TMEM94: variants seen among roughly 807,000 people sequenced by gnomAD.
TMEM94 encodes the protein ER Mg2+ ATPase.
In TMEM94, 81 loss-of-function variants were observed where a neutral mutation model predicts 158.6. The ratio of observed to expected loss-of-function variants is 0.51; its 90% CI spans 0.43 to 0.61. The LOEUF is 0.61. TMEM94 is among the 20% of genes least tolerant of loss of function. The probability of loss-of-function intolerance (pLI) is 0.00; values close to 1 mark genes in which losing one functional copy is unlikely to be tolerated. For synonymous variants in TMEM94, 751 were observed against 730.7 expected, an observed-to-expected ratio of 1.03 and a Z score of -0.45; for missense variants, 1,435 against 1,762.0, an observed-to-expected ratio of 0.81 and a Z score of 3.32.
intron 2 of TMEM94, among the ~76,000 whole-genome samples, chr17:75,482,490 G>C (rs1237727539): frequency 6.6e-6 from 1 of 151,768 alleles, no homozygotes; most frequent in Admixed American, 6.6e-5. Context: ...CTGGGCAGCA[G>C]AGCAAGACCC....
In TMEM94 at chr17:75,494,822, T is replaced by G; in HGVS notation, c.2589+14T>G. On this transcript the variant is annotated intron_variant, in intron 19 of 31. Coordinates refer to ENST00000314256, the MANE Select transcript of TMEM94 (RefSeq NM_014738.6). ...CTCAAAAGCAAGGTGGGGAGAGCCA[T>G]CCCTTCTGCCACCACTAACTCTGTT... 1 of 1,613,232 alleles carries G rather than the reference T, an allele frequency of 6.2e-7. No individual in the cohort carries two copies. The highest frequency in any genetic ancestry group is 8.5e-7 in the Non-Finnish European group (1 of 1,179,676).
intron 2 of TMEM94, among the ~76,000 whole-genome samples, chr17:75,482,352 GAA>G (rs146840188): frequency 7.7e-6 from 1 of 130,280 alleles, no homozygotes. Flanking sequence ...TCTCAAAAAA[GAA>G]AAAAAAAAAA....
rs746131112 is a variant in TMEM94, at chr17:75,493,724, C to T, written c.2215C>T (p.Arg739Ter). The change falls in exon 18 of 32, where the codon CGA becomes TGA. Residue 739 changes from arginine to a stop codon, truncating the protein, a stop_gained. Coordinates refer to ENST00000314256, the MANE Select transcript of TMEM94 (RefSeq NM_014738.6). LOFTEE classifies it high-confidence loss of function. ...AAAGAAAGTGCTGGACTTCTACCAG[C>T]GAGCCTGCCTGTCTGGGTATTGCTC... ...DRKKVLDFYQ[R>*]ACLSGYCSAF... is the part of the protein sequence containing the mutation. 4 of 1,614,024 alleles carry T rather than the reference C, an allele frequency of 2.5e-6. No homozygotes were observed. The highest frequency in any genetic ancestry group is 3.4e-6 in the Non-Finnish European group (4 of 1,180,040).
intron 1 of TMEM94, among the ~76,000 whole-genome samples, chr17:75,462,001 G>GTTTTT (rs1230233393): frequency 0.017 from 1,471 of 85,574 alleles, 183 homozygotes; most frequent in Non-Finnish European, 0.023. Context: ...TTTTTGTTTT[G>GTTTTT]TTTTGTTTTG....
intron 1 of TMEM94, among the ~76,000 whole-genome samples, chr17:75,462,136 A>G (rs1050992408): frequency 3.3e-5 from 5 of 149,540 alleles, no homozygotes; most frequent in African/African-American, 9.9e-5. Context: ...TCAGTCTCCC[A>G]AGTAGCTGGG....
chr17:75,482,046 C>CA (rs1266272615), intron 2 of TMEM94, among the ~76,000 whole-genome samples: 10 of 151,502 alleles, frequency 6.6e-5, no homozygotes, highest in African/African-American at 2.4e-4. Flanking sequence ...CCCATCTCTA[C>CA]AAAAAAATGC....
chr17:75,499,943 A>G lies in TMEM94; in HGVS notation c.*609A>G, dbSNP rs184734149. 3 of 154,764 alleles carry G rather than the reference A, an allele frequency of 1.9e-5. No individual in the cohort carries two copies. Among genetic ancestry groups the G allele is most frequent in the East Asian group, 3.8e-4 (2 of 5,204 alleles). The allele number at this position is 154,764 out of a possible 1,614,324, so 9.6% of individuals were successfully genotyped here. A position where few individuals can be genotyped will look rare whatever the true frequency, so the allele number is the denominator to read the frequency against. On this transcript the variant is annotated 3_prime_UTR_variant, in exon 32 of 32. Coordinates refer to ENST00000314256, the MANE Select transcript of TMEM94 (RefSeq NM_014738.6). ...GCCTGGCTCAAGCTGGCTGCCTGTC[A>G]GTCTTGGGGAATCTGGCCCAGGTCT...
At chr17:75,472,483 T>G (rs924640564) in intron 2 of TMEM94, among the ~76,000 whole-genome samples, 26 of 152,234 alleles carry the variant, frequency 1.7e-4, no homozygotes, top group Non-Finnish European at 2.8e-4. Flanking sequence ...CTCCTCTCCC[T>G]TGACAAAGAC....
Position 75,498,205 on chromosome 17 carries a change from C to T in TMEM94, c.3520C>T (p.Leu1174Phe). The change falls in exon 28 of 32, where the codon CTC becomes TTC. Residue 1174 changes from leucine (L) to phenylalanine (F), a missense_variant. This residue lies in a region of TMEM94 where 335 missense variants were observed against 409.1 expected (regional missense o/e 0.82). Coordinates refer to ENST00000314256, the MANE Select transcript of TMEM94 (RefSeq NM_014738.6). This position sits in a 1 kb window ranked among gnomAD's most constrained non-coding sequence, Gnocchi z 6.7. ...TQHYFLLCFL[L>F]KFSLTISSCL... ...GCACTACTTCCTGCTCTGCTTCCTG[C>T]TCAAGTTCAGCCTCACCATCAGCTC... 6.2e-7 allele frequency: 1 copy of T among 1,613,996 alleles called. No homozygotes were observed.
intron 18 of TMEM94, 146 bp from the exon 19 acceptor site, chr17:75,494,481 T>G: frequency 1.4e-6 from 1 of 708,856 alleles, no homozygotes; most frequent in South Asian, 1.9e-5. Context: ...TTCTCCTGTG[T>G]CTGTCGGCTC....
intron 2 of TMEM94, among the ~76,000 whole-genome samples, chr17:75,481,454 A>G (rs1415895778): frequency 6.6e-6 from 1 of 152,210 alleles, no homozygotes; most frequent in African/African-American, 2.4e-5. Flanking sequence ...CCCTCAGGCC[A>G]GCACTGGGGG....
chr17:75,461,891 A>G (rs1027939281), intron 1 of TMEM94, among the ~76,000 whole-genome samples: 1 of 147,324 alleles, frequency 6.8e-6, no homozygotes, highest in Non-Finnish European at 1.5e-5. Context: ...TCCAGCATGG[A>G]CGACAGAGCA....
intron 2 of TMEM94, among the ~76,000 whole-genome samples, chr17:75,482,522 ATATATG>A (rs1567932804): frequency 8.8e-6 from 1 of 113,244 alleles, no homozygotes; most frequent in Non-Finnish European, 1.8e-5. Flanking sequence ...AAAAATATAT[ATATATG>A]TATGTATGTA....
chr17:75,496,621 C>A, intron 24 of TMEM94, 109 bp from the exon 25 acceptor site: 1 of 1,399,914 alleles, frequency 7.1e-7, no homozygotes, highest in Non-Finnish European at 1.0e-6. Flanking sequence ...CCTCTGCTCC[C>A]CTCGTAGAAG....
rs756032742 is a variant in TMEM94, at chr17:75,493,696, C to T, written c.2190-3C>T. On this transcript the variant is annotated splice_polypyrimidine_tract_variant and splice_region_variant and intron_variant, in intron 17 of 31. Coordinates refer to ENST00000314256, the MANE Select transcript of TMEM94 (RefSeq NM_014738.6). ...ACCTCACCTCCGCCTGCTTCCCTGG[C>T]AGAAAGAAAGTGCTGGACTTCTACC... is the stretch of plus-strand genomic sequence containing the variant. 3 of 1,613,848 alleles carry T rather than the reference C, an allele frequency of 1.9e-6. No homozygotes were observed. The highest frequency in any genetic ancestry group is 1.7e-6 in the Non-Finnish European group (2 of 1,180,028).
Position 75,485,817 on chromosome 17 carries a change from C to T in TMEM94, c.145-54C>T, listed in dbSNP as rs1022553399. The T allele has an allele frequency of 1.3e-6, 2 of 1,549,056 alleles. No individual in the cohort carries two copies. The highest frequency in any genetic ancestry group is 2.7e-5 in the African/African-American group (2 of 73,550). On this transcript the variant is annotated intron_variant, in intron 3 of 31. Coordinates refer to ENST00000314256, the MANE Select transcript of TMEM94 (RefSeq NM_014738.6). This position sits in a 1 kb window ranked among gnomAD's most constrained non-coding sequence, Gnocchi z 5.5. ...TGGGAAGGGTGCCGGGGGAGGCAGC[C>T]AGATTGGAGTGGGACAGGCCTCTCA...
Position 75,485,423 on chromosome 17 carries a change from T to G in TMEM94, c.25-5T>G. 6.2e-7 allele frequency: 1 copy of G among 1,608,972 alleles called. No homozygotes were observed. The highest frequency in any genetic ancestry group is 2.2e-5 in the East Asian group (1 of 44,690). ...TGACGCCCAGCGCCTCCTGCTTGCC[T>G]GCAGGGCGAGCCTCCCTCAGCCCTG... On this transcript the variant is annotated splice_region_variant and splice_polypyrimidine_tract_variant and intron_variant, in intron 2 of 31. Transcript: ENST00000314256. This position sits in a 1 kb window ranked among gnomAD's most constrained non-coding sequence, Gnocchi z 5.5.
At chr17:75,458,424 A>G (rs1171259224) in intron 1 of TMEM94, among the ~76,000 whole-genome samples, 1 of 152,220 alleles carries the variant, frequency 6.6e-6, no homozygotes, top group Non-Finnish European at 1.5e-5. Flanking sequence ...GTAAGGTTCA[A>G]AAGAGTCAAA....
At chr17:75,464,521 C>G (rs539348130) in intron 1 of TMEM94, among the ~76,000 whole-genome samples, 1 of 152,080 alleles carries the variant, frequency 6.6e-6, no homozygotes, top group East Asian at 1.9e-4. Flanking sequence ...ACTCAGAAAC[C>G]CAGACTCTTC....
Sources: allele counts gnomAD v4.1 joint callset (sites outside exome capture counted in the v4.1 genomes callset), GRCh38; gene constraint gnomAD v4.1.1; regional missense constraint gnomAD v4.1.1; non-coding constraint Gnocchi (gnomAD v3.1); transcripts MANE v1.5; gene names NCBI Gene and HGNC (gene_info 2026-07-23, HGNC 2026-07-21).